Variants in NBAS observed in about 807,000 individuals in gnomAD.
NBAS encodes NBAS subunit of NRZ tethering complex.
A neutral mutation model predicts 302.5 loss-of-function variants in NBAS; 219 were observed. That is an observed-to-expected ratio of 0.72 (90% CI 0.65 to 0.81). The LOEUF (loss-of-function observed/expected upper bound fraction) is 0.81. Ranked by LOEUF, NBAS falls within the 30% of genes least tolerant of loss-of-function variation. NBAS has a pLI of 0.00. For missense variants in NBAS, 2,932 were observed against 2,841.6 expected (o/e 1.03, Z -0.72); for synonymous variants, 1,118 against 1,021.6 (o/e 1.09, Z -1.80).
chr2:15,330,694 G>C lies in NBAS; in HGVS notation c.4251C>G (p.Val1417=). Residue 1417 remains valine (V), a synonymous_variant, in exon 36 of 52, where the codon GTC becomes GTG. Coordinates refer to ENST00000281513, the MANE Select transcript of NBAS (RefSeq NM_015909.4). ...LRWTTATTMK[V]LSNTTTTTKA... is the part of the protein sequence containing the mutation. ...TGGTGGTGGTTGTGGTGTTGGAAAGGACTTTCATGGTGGTAGCAGTGGTCC... is the reference window on the plus strand; with the variant it reads ...TGGTGGTGGTTGTGGTGTTGGAAAGCACTTTCATGGTGGTAGCAGTGGTCC... 1 of 1,614,094 alleles carries C rather than the reference G, an allele frequency of 6.2e-7. No individual in the cohort carries two copies.
At chr2:15,456,994 G>A (rs1679276960) in intron 21 of NBAS, among the ~76,000 whole-genome samples, 1 of 152,170 alleles carries the variant, frequency 6.6e-6, no homozygotes, top group Non-Finnish European at 1.5e-5. Context: ...GAGATATGCT[G>A]AGTAGAGATT....
intron 50 of NBAS, 58 bp from the exon 51 acceptor site, chr2:15,179,174 G>C: frequency 6.2e-7 from 1 of 1,612,122 alleles, no homozygotes; most frequent in Non-Finnish European, 8.5e-7. Flanking sequence ...CACCGGCACG[G>C]TTCTGGCTGG....
chr2:14,805,783 AC>A, the NBAS span, among the ~76,000 whole-genome samples: 1 of 152,050 alleles, frequency 6.6e-6, no homozygotes, highest in African/African-American at 2.4e-5. Flanking sequence ...TCCTGCCTGG[AC>A]TTTTATTGAC....
intron 28 of NBAS, among the ~76,000 whole-genome samples, chr2:15,390,786 A>G (rs1488336153): frequency 6.6e-6 from 1 of 152,138 alleles, no homozygotes; most frequent in Non-Finnish European, 1.5e-5. Context: ...GATAGCATAC[A>G]AGAAGGAAAA....
intron 35 of NBAS, among the ~76,000 whole-genome samples, chr2:15,344,874 T>C (rs1426793743): frequency 1.3e-5 from 2 of 152,160 alleles, no homozygotes; most frequent in African/African-American, 4.8e-5. Flanking sequence ...AATCAATAAA[T>C]GTAATCCATC....
At chr2:14,803,796 C>T in the NBAS span, among the ~76,000 whole-genome samples, 8 of 152,032 alleles carry the variant, frequency 5.3e-5, no homozygotes, top group African/African-American at 1.7e-4. Context: ...ACTACAGGCA[C>T]GTGCCACCAT....
chr2:14,842,268 C>T, the NBAS span, among the ~76,000 whole-genome samples: 1 of 151,594 alleles, frequency 6.6e-6, no homozygotes, highest in African/African-American at 2.4e-5. Context: ...TGATGCACCT[C>T]AAGGAACAAG....
chr2:15,038,176 G>A, the NBAS span, among the ~76,000 whole-genome samples: 1 of 144,798 alleles, frequency 6.9e-6, no homozygotes, highest in East Asian at 2.0e-4. Flanking sequence ...GCAGTGGTGC[G>A]ATCTCAGCTC....
intron 38 of NBAS, among the ~76,000 whole-genome samples, chr2:15,325,961 T>C (rs1168850087): frequency 6.6e-6 from 1 of 152,190 alleles, no homozygotes; most frequent in Non-Finnish European, 1.5e-5. Flanking sequence ...TCAATATTGT[T>C]GTGTCTCAGA....
rs147201016 is a variant in NBAS, at chr2:15,168,660, A to T, written c.6841-1337T>A. Among the ~76,000 whole-genome samples, 366 of 152,070 alleles carry T rather than the reference A, an allele frequency of 2.4e-3. 3 individuals carry two copies. Among genetic ancestry groups the T allele is most frequent in the African/African-American group, 8.2e-3 (342 of 41,460 alleles). ...TATTTCTTTTTTGAGATGGAGTTTT[A>T]CTCTTGTTGCCCAGGCTAGAGTGCA... On this transcript the variant is annotated intron_variant, in intron 51 of 51. Transcript: ENST00000281513.
At chr2:14,978,711 A>G in the NBAS span, among the ~76,000 whole-genome samples, 1 of 152,208 alleles carries the variant, frequency 6.6e-6, no homozygotes, top group African/African-American at 2.4e-5. Context: ...CAGAGCAAGT[A>G]GTGGCAGAAC....
At chr2:15,220,413 C>G (rs1008674787) in intron 47 of NBAS, among the ~76,000 whole-genome samples, 1 of 152,198 alleles carries the variant, frequency 6.6e-6, no homozygotes, top group Non-Finnish European at 1.5e-5. Flanking sequence ...AATAATAGTG[C>G]TGTAGGACCC....
intron 31 of NBAS, among the ~76,000 whole-genome samples, chr2:15,374,035 G>C (rs1295815224): frequency 6.6e-6 from 1 of 152,166 alleles, no homozygotes; most frequent in Non-Finnish European, 1.5e-5. Flanking sequence ...AAGTGATTCT[G>C]TAGCAGGATG....
At chr2:15,307,262 G>A (rs1671073978) in intron 40 of NBAS, among the ~76,000 whole-genome samples, 1 of 152,222 alleles carries the variant, frequency 6.6e-6, no homozygotes, top group Admixed American at 6.5e-5. Context: ...TAGAGTGACT[G>A]CATTATCTGA....
chr2:14,949,151 T>C, the NBAS span, among the ~76,000 whole-genome samples: 1 of 152,024 alleles, frequency 6.6e-6, no homozygotes, highest in African/African-American at 2.4e-5. Context: ...GAAACAACAA[T>C]AGGGAAAACA....
At chr2:14,890,006 G>T in the NBAS span, among the ~76,000 whole-genome samples, 1 of 152,206 alleles carries the variant, frequency 6.6e-6, no homozygotes, top group Admixed American at 6.5e-5. Flanking sequence ...TAAAATCATT[G>T]TAAAATATGT....
At chr2:14,923,792 A>G in the NBAS span, among the ~76,000 whole-genome samples, 2 of 152,172 alleles carry the variant, frequency 1.3e-5, no homozygotes, top group Non-Finnish European at 2.9e-5. Flanking sequence ...CCACTCATGA[A>G]GAGGGCAGGG....
chr2:15,108,534 C>G, the NBAS span, among the ~76,000 whole-genome samples: 1 of 152,106 alleles, frequency 6.6e-6, no homozygotes, highest in Non-Finnish European at 1.5e-5. Flanking sequence ...TTCTTCAACT[C>G]TCTAAATGTA....
chr2:15,398,724 G>A (rs1465360787), intron 26 of NBAS, among the ~76,000 whole-genome samples: 1 of 152,030 alleles, frequency 6.6e-6, no homozygotes, highest in African/African-American at 2.4e-5. Context: ...AATATAAATT[G>A]ACAAACTTGG....
Sources: allele counts gnomAD v4.1 joint callset (sites outside exome capture counted in the v4.1 genomes callset), GRCh38; gene constraint gnomAD v4.1.1; transcripts MANE v1.5; gene names NCBI Gene and HGNC (gene_info 2026-07-23, HGNC 2026-07-21).